The following PHC3 variants were observed in gnomAD, a reference collection of about 807,000 sequenced individuals.
PHC3 encodes the protein polyhomeotic homolog 3, also known as polyhomeotic-like protein 3.
Under a neutral mutation model 107.4 loss-of-function variants are expected in PHC3, and 13 were observed. The ratio of observed to expected loss-of-function variants is 0.12; its 90% CI spans 0.08 to 0.19. The LOEUF (loss-of-function observed/expected upper bound fraction) is 0.19. Ranked by LOEUF, PHC3 falls within the 10% of genes least tolerant of loss-of-function variation. The probability of loss-of-function intolerance (pLI) is 1.00; values close to 1 mark genes in which losing one functional copy is unlikely to be tolerated. For missense variants in PHC3, 992 were observed against 1,210.9 expected (o/e 0.82, Z 2.68); for synonymous variants, 456 against 427.4 (o/e 1.07, Z -0.83).
chr3:170,145,887 C>T (rs1173710595), intron 5 of PHC3, among the ~76,000 whole-genome samples: 1 of 151,692 alleles, frequency 6.6e-6, no homozygotes, highest in African/African-American at 2.4e-5. Flanking sequence ...GGGAAGTAAA[C>T]AACTAGTCAC....
chr3:170,145,822 CT>C (rs1208861905), intron 5 of PHC3, among the ~76,000 whole-genome samples: 1 of 152,062 alleles, frequency 6.6e-6, no homozygotes, highest in Admixed American at 6.6e-5. Flanking sequence ...CTCAAATAAG[CT>C]ATTATAGTTA....
intron 7 of PHC3, among the ~76,000 whole-genome samples, chr3:170,130,717 C>G (rs2108475911): frequency 6.6e-6 from 1 of 152,318 alleles, no homozygotes; most frequent in Non-Finnish European, 1.5e-5. Flanking sequence ...AGAATTAGCA[C>G]AGTCAAGTGG....
chr3:170,156,651 G>A (rs1726949021), intron 4 of PHC3, among the ~76,000 whole-genome samples: 1 of 151,536 alleles, frequency 6.6e-6, no homozygotes, highest in African/African-American at 2.4e-5. Flanking sequence ...AGGCTGGAGT[G>A]CAGTGGCGCC....
chr3:170,163,069 C>T (rs1276333028), intron 4 of PHC3, among the ~76,000 whole-genome samples: 2 of 151,966 alleles, frequency 1.3e-5, no homozygotes, highest in Non-Finnish European at 2.9e-5. Context: ...TTCGTCTATC[C>T]CTAGCTCCAT....
chr3:170,103,319 A>G (rs1300910816), intron 12 of PHC3, among the ~76,000 whole-genome samples: 1 of 152,196 alleles, frequency 6.6e-6, no homozygotes, highest in Non-Finnish European at 1.5e-5. Context: ...ATTCAATCTG[A>G]TTTTTCTAAG....
intron 4 of PHC3, among the ~76,000 whole-genome samples, chr3:170,166,366 A>C (rs888577483): frequency 6.6e-6 from 1 of 152,166 alleles, no homozygotes; most frequent in African/African-American, 2.4e-5. Context: ...TTTAGACTGC[A>C]AATAGAATAA....
intron 9 of PHC3, among the ~76,000 whole-genome samples, chr3:170,119,474 A>C (rs1339613434): frequency 6.6e-6 from 1 of 152,228 alleles, no homozygotes; most frequent in African/African-American, 2.4e-5. Flanking sequence ...ATTTTGTTCA[A>C]AATAGAGCTA....
At chr3:170,126,743 G>A (rs1721371313) in intron 8 of PHC3, among the ~76,000 whole-genome samples, 1 of 151,392 alleles carries the variant, frequency 6.6e-6, no homozygotes, top group Non-Finnish European at 1.5e-5. Context: ...GTTTCTCTAT[G>A]TTGGCCAGGC....
Position 170,096,288 on chromosome 3 carries a change from T to C in PHC3, c.*942A>G, listed in dbSNP as rs1292849084. 1 of 152,166 alleles carries C rather than the reference T, an allele frequency of 6.6e-6. No individual in the cohort carries two copies. Among genetic ancestry groups the C allele is most frequent in the Non-Finnish European group, 1.5e-5 (1 of 68,028 alleles). The allele number at this position is 152,166 out of a possible 1,614,324, so 9.4% of individuals were successfully genotyped here. ...TTCCATCATATATGTTTAGTAAGCT[T>C]CATCCTTTAAAAGTATTCCTTTGGG... On this transcript the variant is annotated 3_prime_UTR_variant, in exon 15 of 15. Coordinates refer to ENST00000495893, the MANE Select transcript of PHC3 (RefSeq NM_024947.4).
intron 4 of PHC3, among the ~76,000 whole-genome samples, chr3:170,166,307 A>G (rs141510812): frequency 6.6e-6 from 1 of 152,088 alleles, no homozygotes; most frequent in East Asian, 1.9e-4. Context: ...GCCTCCCAAA[A>G]TGCTGGGATT....
rs576663355 is a variant in PHC3, at chr3:170,116,798, C to A, written c.2193+428G>T. 5.3e-5 allele frequency among the ~76,000 whole-genome samples: 8 copies of A among 151,910 alleles called. No homozygotes were observed. The South Asian group carries it at 1.7e-3, about 32-fold the overall frequency. ...CGGTGGCGCACACCTGTAGTCTCAG[C>A]TACTCAGGTGGCTGAGGTAGAAGAA... On this transcript the variant is annotated intron_variant, in intron 10 of 14. Transcript: ENST00000495893.
At chr3:170,162,201 T>C (rs574175746) in intron 4 of PHC3, among the ~76,000 whole-genome samples, 7 of 152,288 alleles carry the variant, frequency 4.6e-5, no homozygotes, top group African/African-American at 1.7e-4. Flanking sequence ...CCATGAACAG[T>C]AGTGAAGTCA....
chr3:170,155,586 G>A (rs1726761846), intron 4 of PHC3, among the ~76,000 whole-genome samples: 1 of 152,130 alleles, frequency 6.6e-6, no homozygotes, highest in Non-Finnish European at 1.5e-5. Flanking sequence ...GCCAGGCATT[G>A]TGGTGCACAC....
chr3:170,115,983 G>C (rs1046883671), intron 10 of PHC3, among the ~76,000 whole-genome samples: 4 of 151,904 alleles, frequency 2.6e-5, no homozygotes, highest in Non-Finnish European at 5.9e-5. Flanking sequence ...TGAAAATCCA[G>C]ATGACTCAAA....
At chr3:170,142,433 T>A (rs749641588) in intron 6 of PHC3, among the ~76,000 whole-genome samples, 1 of 151,892 alleles carries the variant, frequency 6.6e-6, no homozygotes, top group South Asian at 2.1e-4. Context: ...AGAATTTGAA[T>A]CCAAGTCTTC....
chr3:170,165,213 C>G (rs1728530868), intron 4 of PHC3, among the ~76,000 whole-genome samples: 1 of 152,138 alleles, frequency 6.6e-6, no homozygotes, highest in Non-Finnish European at 1.5e-5. Context: ...ACTTGTACCC[C>G]CTGTACTTCA....
rs1325692365 is a variant in PHC3 at position 170,095,869 on chromosome 3, T to C, written c.*1361A>G. ...CCTCAAACATGTACATACAAAATTATATCCGATGGTTCAAGAGAAATCACT... is the reference window on the plus strand; with the variant it reads ...CCTCAAACATGTACATACAAAATTACATCCGATGGTTCAAGAGAAATCACT... On this transcript the variant is annotated 3_prime_UTR_variant, in exon 15 of 15. Coordinates refer to ENST00000495893, the MANE Select transcript of PHC3 (RefSeq NM_024947.4). 1.3e-5 allele frequency: 2 copies of C among 152,204 alleles called. No homozygotes were observed. The highest frequency in any genetic ancestry group is 6.6e-5 in the Admixed American group (1 of 15,256). 9.4% of individuals were successfully genotyped at this position (152,204 alleles called of 1,614,324 possible).
Position 170,172,729 on chromosome 3 carries a change from G to T in PHC3, c.181-17C>A. 7 of 1,576,544 alleles carry T rather than the reference G, an allele frequency of 4.4e-6. No homozygotes were observed. The highest frequency in any genetic ancestry group is 6.0e-6 in the Non-Finnish European group (7 of 1,157,348). On this transcript the variant is annotated splice_polypyrimidine_tract_variant and intron_variant, in intron 2 of 14. Transcript: ENST00000495893. ...TTGAATTACCTGTGATAAGTCAATT[G>T]AACCAATGTCAAACCATAATCTCAA...
At chr3:170,121,537 C>CT (rs1553786071) in intron 9 of PHC3, among the ~76,000 whole-genome samples, 5 of 152,082 alleles carry the variant, frequency 3.3e-5, no homozygotes, top group South Asian at 2.1e-4. Flanking sequence ...AGCACAAGAA[C>CT]TTTTTTTTAA....
Sources: gnomAD v4.1 joint callset for allele counts (sites outside exome capture counted in the v4.1 genomes callset) on GRCh38, gnomAD v4.1.1 for gene constraint, MANE v1.5 for transcripts, NCBI Gene and HGNC (gene_info 2026-07-23, HGNC 2026-07-21) for gene names.